The following OR3A2 variants were observed in gnomAD, a reference collection of about 807,000 sequenced individuals.
OR3A2 encodes the protein olfactory receptor family 3 subfamily A member 2, also known as olfactory receptor 3A2.
For synonymous variants in OR3A2, 126 were observed against 159.3 expected (o/e 0.79, Z 1.57); for missense variants, 318 against 392.8 (o/e 0.81, Z 1.61).
intron 2 of OR3A2, among the ~76,000 whole-genome samples, chr17:3,362,802 T>A (rs998158852): frequency 6.6e-6 from 1 of 151,730 alleles, no homozygotes; most frequent in Non-Finnish European, 1.5e-5. Flanking sequence ...TTTCCATACA[T>A]CCTCTGAAAT....
At chr17:3,321,305 T>C (rs867246331) in intron 3 of OR3A2, among the ~76,000 whole-genome samples, 74 of 152,294 alleles carry the variant, frequency 4.9e-4, no homozygotes, top group African/African-American at 1.7e-3. Flanking sequence ...TTTCTAGATA[T>C]ACAATCATGT....
intron 2 of OR3A2, among the ~76,000 whole-genome samples, chr17:3,354,589 G>A (rs781169265): frequency 2.1e-4 from 31 of 151,184 alleles, no homozygotes; most frequent in Non-Finnish European, 3.5e-4. Flanking sequence ...TCAAAGTTCC[G>A]TGGTATCAGT....
intron 2 of OR3A2, among the ~76,000 whole-genome samples, chr17:3,357,664 G>T (rs58769505): frequency 0.075 from 11,315 of 151,518 alleles, 1,020 homozygotes; most frequent in East Asian, 0.48. Context: ...CATTGTGAAT[G>T]TATCAGTGCC....
intron 3 of OR3A2, among the ~76,000 whole-genome samples, chr17:3,323,215 C>T (rs1234947745): frequency 6.6e-6 from 1 of 152,058 alleles, no homozygotes; most frequent in Non-Finnish European, 1.5e-5. Flanking sequence ...TTTCCATTTG[C>T]TTGGTAGATC....
intron 3 of OR3A2, among the ~76,000 whole-genome samples, chr17:3,318,747 C>T (rs1309314420): frequency 6.6e-6 from 1 of 152,162 alleles, no homozygotes; most frequent in Non-Finnish European, 1.5e-5. Flanking sequence ...TTTTCCACAG[C>T]TATTTCCCTA....
At chr17:3,322,562 G>T (rs1019503804) in intron 3 of OR3A2, among the ~76,000 whole-genome samples, 4 of 152,082 alleles carry the variant, frequency 2.6e-5, no homozygotes, top group Admixed American at 6.5e-5. Context: ...AGAGATTCTG[G>T]TATGTTGTGT....
intron 3 of OR3A2, among the ~76,000 whole-genome samples, chr17:3,299,518 C>G (rs905558740): frequency 6.6e-6 from 1 of 152,172 alleles, no homozygotes; most frequent in Admixed American, 6.5e-5. Context: ...ATTCTCTAGG[C>G]CAGGACCTTA....
At chr17:3,318,993 A>G (rs1254944552) in intron 3 of OR3A2, among the ~76,000 whole-genome samples, 2 of 152,134 alleles carry the variant, frequency 1.3e-5, no homozygotes, top group Non-Finnish European at 2.9e-5. Context: ...TTAAATGTAA[A>G]CAAAACAACT....
chr17:3,319,621 AGGTGTTC>A (rs990053453), intron 3 of OR3A2, among the ~76,000 whole-genome samples: 20 of 151,974 alleles, frequency 1.3e-4, no homozygotes, highest in African/African-American at 4.6e-4. Flanking sequence ...TGAGAACATG[AGGTGTTC>A]GGTTTTCTGT....
intron 3 of OR3A2, chr17:3,291,513 A>T: frequency 1.4e-6 from 1 of 701,200 alleles, no homozygotes; most frequent in Non-Finnish European, 2.3e-6. Context: ...ATTCCCTACA[A>T]AAAGTCCTTC....
At chr17:3,352,180 A>G (rs984016354) in intron 2 of OR3A2, among the ~76,000 whole-genome samples, 1 of 151,900 alleles carries the variant, frequency 6.6e-6, no homozygotes, top group African/African-American at 2.4e-5. Context: ...TAGTTTGCAA[A>G]TATTTTCTCC....
At chr17:3,346,005 T>C (rs920521928) in intron 2 of OR3A2, among the ~76,000 whole-genome samples, 5 of 152,158 alleles carry the variant, frequency 3.3e-5, no homozygotes, top group Admixed American at 3.3e-4. Context: ...GATTTCTGCT[T>C]CTTCTAACAG....
intron 2 of OR3A2, among the ~76,000 whole-genome samples, chr17:3,360,432 G>C (rs369672987): frequency 2.6e-5 from 4 of 151,590 alleles, no homozygotes; most frequent in Non-Finnish European, 5.9e-5. Context: ...TTAGATCCCA[G>C]TTGTCAATTT....
Position 3,351,552 on chromosome 17 carries a change from A to G in OR3A2, c.-178-15426T>C, listed in dbSNP as rs1223105262. Among the ~76,000 whole-genome samples, 30 of 120,674 alleles carry G rather than the reference A, an allele frequency of 2.5e-4. 1 individual carries two copies. The South Asian group carries it at 1.0e-2, about 40-fold the overall frequency. The allele number at this position is 120,674 out of a possible 152,430, so 79.2% of individuals were successfully genotyped here. ...AAAAGAGGATACAAACAAATGGAAG[A>G]ACATTCCATGCTCATGGGTAGGAAG... On this transcript the variant is annotated intron_variant, in intron 2 of 4. Transcript: ENST00000573491.
intron 2 of OR3A2, among the ~76,000 whole-genome samples, chr17:3,364,916 TA>T (rs60677788): frequency 0.56 from 82,677 of 148,348 alleles, 22,907 homozygotes; most frequent in Admixed American, 0.68. Context: ...AGCACTAAGG[TA>T]AAAAAAAAAA....
At position 3,335,758 on chromosome 17, in the gene OR3A2, A is replaced by AAG. The variant is rs199646492; in HGVS notation, c.-85+273_-85+274dup. Among the ~76,000 whole-genome samples the AAG allele has an allele frequency of 2.6e-3, 396 of 152,304 alleles. 1 individual carries two copies. Among genetic ancestry groups the AAG allele is most frequent in the Middle Eastern group, 0.017 (5 of 294 alleles). ...TTTTATAGATGAAGAAAGCCCCAGG[A>AAG]AGAAAAAGTCTGACAGAGAACACAT... On this transcript the variant is annotated intron_variant, in intron 3 of 4. Transcript: ENST00000573491.
intron 2 of OR3A2, among the ~76,000 whole-genome samples, chr17:3,339,554 C>T (rs1284059122): frequency 2.6e-5 from 4 of 152,084 alleles, no homozygotes; most frequent in Non-Finnish European, 5.9e-5. Flanking sequence ...GTCTTTGATT[C>T]TGTTTATGTG....
intron 2 of OR3A2, among the ~76,000 whole-genome samples, chr17:3,359,537 A>G (rs1368445945): frequency 1.3e-5 from 2 of 151,754 alleles, no homozygotes; most frequent in East Asian, 1.9e-4. Context: ...TAGGAAACTT[A>G]GTTTGGCTGG....
rs201439962 is a variant in OR3A2 at position 3,367,599 on chromosome 17, G to GTATATATAATATATATATA, written c.-179+16204_-179+16205insTATATATATATTATATATA. Among the ~76,000 whole-genome samples the GTATATATAATATATATATA allele has an allele frequency of 7.7e-3, 664 of 85,910 alleles. 8 individuals are homozygous for GTATATATAATATATATATA. The highest frequency in any genetic ancestry group is 0.03 in the African/African-American group (596 of 19,762). 56.4% of individuals were successfully genotyped at this position (85,910 alleles called of 152,430 possible). On this transcript the variant is annotated intron_variant, in intron 2 of 4. Coordinates refer to the OR3A2 transcript ENST00000573491. ...GGTGTATATGTATATGTGTGTGTGT[G>GTATATATAATATATATATA]TGTATATATATATATATATATATGC... is the stretch of plus-strand genomic sequence containing the variant.
Sources: allele counts gnomAD v4.1 joint callset (sites outside exome capture counted in the v4.1 genomes callset), GRCh38; gene constraint gnomAD v4.1.1; transcripts MANE v1.5; gene names NCBI Gene and HGNC (gene_info 2026-07-23, HGNC 2026-07-21).